Variants in LRRK2 observed in about 807,000 individuals in gnomAD.
The protein encoded by LRRK2 is leucine-rich repeat serine/threonine-protein kinase 2.
Under a neutral mutation model 302.6 loss-of-function variants are expected in LRRK2, and 203 were observed. The observed-to-expected ratio is 0.67, with a 90% CI of 0.60 to 0.75. LRRK2 has a LOEUF of 0.75. Ranked by LOEUF, LRRK2 falls within the 30% of genes least tolerant of loss-of-function variation. The probability of loss-of-function intolerance (pLI) is 0.00; values close to 1 mark genes in which losing one functional copy is unlikely to be tolerated. For synonymous variants in LRRK2, 1,066 were observed against 1,031.9 expected (o/e 1.03, Z -0.63); for missense variants, 2,830 against 2,951.0 (o/e 0.96, Z 0.95).
intron 7 of LRRK2, among the ~76,000 whole-genome samples, chr12:40,246,904 A>T (rs983771828): frequency 7.2e-5 from 11 of 152,144 alleles, no homozygotes; most frequent in African/African-American, 2.7e-4. Flanking sequence ...CACACCTTGG[A>T]AATTTCCTTG....
intron 14 of LRRK2, among the ~76,000 whole-genome samples, chr12:40,274,318 T>C (rs1229230460): frequency 6.6e-6 from 1 of 152,178 alleles, no homozygotes; most frequent in East Asian, 1.9e-4. Context: ...GTGATATCAG[T>C]ATGGATTTCA....
intron 3 of LRRK2, among the ~76,000 whole-genome samples, chr12:40,233,213 T>A (rs1941285908): frequency 6.6e-6 from 1 of 152,160 alleles, no homozygotes; most frequent in African/African-American, 2.4e-5. Context: ...CGACACTCTG[T>A]CTCAAAAACA....
chr12:40,316,813 T>C (rs1424487535), intron 33 of LRRK2, among the ~76,000 whole-genome samples: 1 of 152,016 alleles, frequency 6.6e-6, no homozygotes, highest in East Asian at 1.9e-4. Context: ...AAAAAAGATG[T>C]GTAGGTAGCT....
intron 18 of LRRK2, among the ~76,000 whole-genome samples, chr12:40,280,164 T>A (rs1440974106): frequency 6.6e-6 from 1 of 152,102 alleles, no homozygotes; most frequent in South Asian, 2.1e-4. Flanking sequence ...ATAAAAATAA[T>A]AAGAGGCTGG....
intron 27 of LRRK2, chr12:40,304,396 C>A (rs1944738012): frequency 1.8e-6 from 1 of 542,208 alleles, no homozygotes; most frequent in Non-Finnish European, 3.2e-6. Context: ...AAGGTAGTAG[C>A]CTTAATACTT....
intron 11 of LRRK2, among the ~76,000 whole-genome samples, chr12:40,256,978 G>A (rs1592171756): frequency 6.6e-6 from 1 of 152,130 alleles, no homozygotes; most frequent in Admixed American, 6.6e-5. Context: ...ACAGAGACAC[G>A]GTGATTACAT....
At chr12:40,272,959 C>T (rs908451141) in intron 14 of LRRK2, among the ~76,000 whole-genome samples, 9 of 152,068 alleles carry the variant, frequency 5.9e-5, no homozygotes, top group African/African-American at 2.2e-4. Context: ...CTCTCGTTAA[C>T]TCTTGTTTTT....
At chr12:40,351,784 T>A in intron 44 of LRRK2, 51 bp downstream of exon 44, 2 of 1,553,466 alleles carry the variant, frequency 1.3e-6, no homozygotes, top group African/African-American at 2.7e-5. Context: ...ATATACCATT[T>A]GGAAAGTTAC....
chr12:40,315,106 A>G lies in LRRK2; in HGVS notation c.4739-106A>G, dbSNP rs1945172437. On this transcript the variant is annotated intron_variant, in intron 32 of 50. Transcript: ENST00000298910. The stretch of plus-strand genomic sequence containing the variant: ...CCAGCTCTGTCACTAGCTATGCTGA[A>G]ATTTCTTCACCTGCAAAATGAGGAA... The G allele has an allele frequency of 9.8e-6, 9 of 918,240 alleles. No individual in the cohort carries two copies. In the East Asian group the frequency reaches 1.9e-4, roughly 20 times the overall value. The allele number at this position is 918,240 out of a possible 1,614,324, so 56.9% of individuals were successfully genotyped here. A position where few individuals can be genotyped will look rare whatever the true frequency, so the allele number is the denominator to read the frequency against.
Position 40,259,603 on chromosome 12 carries a change from T to C in LRRK2, c.1542T>C (p.Pro514=), listed in dbSNP as rs376187481. 1.9e-6 allele frequency: 3 copies of C among 1,612,880 alleles called. No homozygotes were observed. In the African/African-American group the frequency reaches 4.0e-5, roughly 22 times the overall value. ...ALRAILHFIV[P]GMPEESREDT... ...GAGCTATTTTACATTTTATAGTGCC[T>C]GGTAAGTTACATAGTTGATTGTGGG... The change falls in exon 13 of 51, where the codon CCT becomes CCC. Residue 514 remains proline, a splice_region_variant and synonymous_variant. Transcript: ENST00000298910.
At chr12:40,321,237 G>T in intron 35 of LRRK2, 49 bp downstream of exon 35, 1 of 1,539,396 alleles carries the variant, frequency 6.5e-7, no homozygotes. Flanking sequence ...TATTAATTTA[G>T]ACTTATTAAT....
At chr12:40,274,170 C>T (rs1056636939) in intron 14 of LRRK2, among the ~76,000 whole-genome samples, 3 of 152,050 alleles carry the variant, frequency 2.0e-5, no homozygotes, top group Non-Finnish European at 2.9e-5. Flanking sequence ...GGCAGCATTG[C>T]GTTTTACTGG....
At chr12:40,273,740 T>A (rs1943330358) in intron 14 of LRRK2, among the ~76,000 whole-genome samples, 1 of 152,172 alleles carries the variant, frequency 6.6e-6, no homozygotes. Flanking sequence ...AAAGAAAAGC[T>A]ATGAGTTAAG....
Position 40,241,930 on chromosome 12 carries a change from C to T in LRRK2, c.706+1313C>T, listed in dbSNP as rs186727357. Among the ~76,000 whole-genome samples, 5 of 152,224 alleles carry T rather than the reference C, an allele frequency of 3.3e-5. No homozygotes were observed. The East Asian group carries it at 7.7e-4, about 23-fold the overall frequency. On this transcript the variant is annotated intron_variant, in intron 6 of 50. Transcript: ENST00000298910. ...AGAGAAAGGCCATGGTTTTACATTT[C>T]TCTGAGACATCACTGCCAACAAACT...
At chr12:40,292,725 ATTCT>A (rs1274470341) in intron 20 of LRRK2, among the ~76,000 whole-genome samples, 35 of 152,058 alleles carry the variant, frequency 2.3e-4, no homozygotes, top group African/African-American at 7.2e-4. Flanking sequence ...CATAAAATGA[ATTCT>A]TTCTTTTTCT....
intron 5 of LRRK2, among the ~76,000 whole-genome samples, chr12:40,238,804 A>G (rs1025154350): frequency 1.3e-5 from 2 of 152,192 alleles, no homozygotes; most frequent in Non-Finnish European, 2.9e-5. Context: ...TTACCAGTCT[A>G]ATTTCTTGCA....
At chr12:40,305,053 C>G (rs1195810989) in intron 27 of LRRK2, 1 of 152,096 alleles carries the variant, frequency 6.6e-6, no homozygotes, top group Non-Finnish European at 1.5e-5. Flanking sequence ...CTGCATTCCG[C>G]CACCATGCTA....
chr12:40,231,604 A>T (rs981189988), intron 2 of LRRK2, among the ~76,000 whole-genome samples: 1 of 148,724 alleles, frequency 6.7e-6, no homozygotes, highest in Non-Finnish European at 1.5e-5. Context: ...AAGAAAAAAA[A>T]AGTACTAAGG....
At chr12:40,256,902 CT>C (rs1942540544) in intron 11 of LRRK2, among the ~76,000 whole-genome samples, 3 of 152,182 alleles carry the variant, frequency 2.0e-5, no homozygotes, top group Admixed American at 2.0e-4. Flanking sequence ...AACTTTCATT[CT>C]TATTTTGGAG....
Sources: allele counts gnomAD v4.1 joint callset (sites outside exome capture counted in the v4.1 genomes callset), GRCh38; gene constraint gnomAD v4.1.1; transcripts MANE v1.5; gene names NCBI Gene and HGNC (gene_info 2026-07-23, HGNC 2026-07-21).